Variants in FAM135B observed in about 807,000 individuals in gnomAD.
FAM135B encodes the protein protein FAM135B.
Under a neutral mutation model 127.7 loss-of-function variants are expected in FAM135B, and 43 were observed. The observed-to-expected ratio is 0.34, with a 90% CI of 0.26 to 0.43. The LOEUF is 0.43. FAM135B is among the 20% of genes least tolerant of loss of function. FAM135B has a pLI of 1.00. For missense variants in FAM135B, 1,558 were observed against 1,725.6 expected (o/e 0.90, Z 1.72); for synonymous variants, 670 against 665.1 (o/e 1.01, Z -0.11).
At chr8:138,390,637 T>C (rs1210291871) in intron 1 of FAM135B, among the ~76,000 whole-genome samples, 7 of 152,182 alleles carry the variant, frequency 4.6e-5, no homozygotes, top group Non-Finnish European at 1.0e-4. Flanking sequence ...ATTGAATGAA[T>C]AAATAAGTCC....
At chr8:138,350,267 T>A (rs1829686070) in intron 2 of FAM135B, among the ~76,000 whole-genome samples, 2 of 152,092 alleles carry the variant, frequency 1.3e-5, no homozygotes, top group Non-Finnish European at 2.9e-5. Flanking sequence ...AAACATACTA[T>A]CCCGTTCTTT....
chr8:138,366,150 C>G (rs1266789627), intron 2 of FAM135B, among the ~76,000 whole-genome samples: 2 of 152,130 alleles, frequency 1.3e-5, no homozygotes, highest in Non-Finnish European at 2.9e-5. Context: ...TATGTTAGAG[C>G]TATGTACTGT....
intron 1 of FAM135B, among the ~76,000 whole-genome samples, chr8:138,407,078 T>A (rs1029594737): frequency 3.3e-5 from 5 of 151,350 alleles, no homozygotes; most frequent in African/African-American, 1.2e-4. Flanking sequence ...ACAAAATCAA[T>A]GTACAAAAAT....
chr8:138,494,404 A>C (rs2131702442), intron 1 of FAM135B, among the ~76,000 whole-genome samples: 1 of 152,350 alleles, frequency 6.6e-6, no homozygotes, highest in South Asian at 2.1e-4. Context: ...ATCAACAGAA[A>C]GGACAGGTAT....
At chr8:138,378,874 C>A (rs1010726303) in intron 1 of FAM135B, among the ~76,000 whole-genome samples, 2 of 152,136 alleles carry the variant, frequency 1.3e-5, no homozygotes, top group African/African-American at 4.8e-5. Flanking sequence ...TAAGATTTCA[C>A]AATCTCATAA....
intron 3 of FAM135B, among the ~76,000 whole-genome samples, chr8:138,309,589 T>G (rs113740012): frequency 1.1e-4 from 17 of 152,316 alleles, no homozygotes; most frequent in African/African-American, 4.1e-4. Context: ...CCCCTCCAGA[T>G]GTCTTCCATG....
Position 138,152,267 on chromosome 8 carries a change from G to A in FAM135B, c.2208C>T (p.Asn736=). 1 of 1,614,130 alleles carries A rather than the reference G, an allele frequency of 6.2e-7. No homozygotes were observed. The highest frequency in any genetic ancestry group is 8.5e-7 in the Non-Finnish European group (1 of 1,180,038). The change falls in exon 13 of 20, where the codon AAC becomes AAT. Residue 736 remains asparagine, a synonymous_variant. Coordinates refer to ENST00000395297, the MANE Select transcript of FAM135B (RefSeq NM_015912.4). ...NSLEGGHTES[N]TSLPSGIQAS... Reference sequence around the variant, plus strand: ...CCTGGATGCCGCTTGGCAAACTTGTGTTACTTTCTGTGTGTCCACCCTCTA... The same window carrying A: ...CCTGGATGCCGCTTGGCAAACTTGTATTACTTTCTGTGTGTCCACCCTCTA...
At chr8:138,174,331 T>G (rs916828011) in intron 11 of FAM135B, among the ~76,000 whole-genome samples, 2 of 152,164 alleles carry the variant, frequency 1.3e-5, no homozygotes, top group Non-Finnish European at 2.9e-5. Context: ...CGCTGCTGCC[T>G]TATGTAAGCC....
At chr8:138,281,294 C>T (rs1435212216) in intron 3 of FAM135B, among the ~76,000 whole-genome samples, 1 of 152,072 alleles carries the variant, frequency 6.6e-6, no homozygotes, top group Non-Finnish European at 1.5e-5. Flanking sequence ...ACCATTCTCT[C>T]ATTAGAAATA....
intron 5 of FAM135B, 85 bp from the exon 6 acceptor site, chr8:138,251,099 T>C: frequency 4.0e-6 from 6 of 1,485,618 alleles, no homozygotes; most frequent in Non-Finnish European, 5.5e-6. Context: ...AGCCTCTCCA[T>C]GGGCCAAGCA....
In FAM135B at chr8:138,431,443, G is replaced by T. The variant is rs141408880; in HGVS notation, c.-19-63441C>A. ...CTGATTCAAATGGCTTAAACCAGGG[G>T]TCCACAAACCAGCCCATAGGCCTAG... On this transcript the variant is annotated intron_variant, in intron 1 of 19. Transcript: ENST00000395297. 5.9e-3 allele frequency among the ~76,000 whole-genome samples: 891 copies of T among 152,288 alleles called. 8 individuals are homozygous for T. The highest frequency in any genetic ancestry group is 0.01 in the Middle Eastern group (3 of 294).
chr8:138,152,329 G>A lies in FAM135B; in HGVS notation c.2146C>T (p.Pro716Ser), dbSNP rs1440100151. The A allele has an allele frequency of 6.2e-7, 1 of 1,613,996 alleles. No individual in the cohort carries two copies. Residue 716 changes from proline (P) to serine (S), a missense_variant, in exon 13 of 20, where the codon CCG becomes TCG. Coordinates refer to ENST00000395297, the MANE Select transcript of FAM135B (RefSeq NM_015912.4). ...TGGAGGGCATGTCTTCGAACAAACGGGTGCAAGACTTCCCGATCACTGGGC... is the reference window on the plus strand; with the variant it reads ...TGGAGGGCATGTCTTCGAACAAACGAGTGCAAGACTTCCCGATCACTGGGC... ...ELPSDREVLH[P>S]FVRRHALHRN...
At chr8:138,332,662 G>A (rs1016498961) in intron 2 of FAM135B, among the ~76,000 whole-genome samples, 3 of 151,948 alleles carry the variant, frequency 2.0e-5, no homozygotes, top group Non-Finnish European at 2.9e-5. Context: ...AGGGGCGTGT[G>A]GTGCATTTAG....
chr8:138,421,961 T>C (rs1345391592), intron 1 of FAM135B, among the ~76,000 whole-genome samples: 1 of 151,802 alleles, frequency 6.6e-6, no homozygotes, highest in Non-Finnish European at 1.5e-5. Flanking sequence ...ACAGAACAGG[T>C]TAGAGAACTC....
chr8:138,386,963 A>G (rs1563958900), intron 1 of FAM135B, among the ~76,000 whole-genome samples: 1 of 152,142 alleles, frequency 6.6e-6, no homozygotes, highest in Non-Finnish European at 1.5e-5. Context: ...CTGCCACAGG[A>G]TCATACAGGG....
intron 1 of FAM135B, among the ~76,000 whole-genome samples, chr8:138,384,387 C>T (rs1832056497): frequency 6.8e-6 from 1 of 148,104 alleles, no homozygotes; most frequent in South Asian, 2.2e-4. Context: ...TATTTATTTA[C>T]CCATTTGCTA....
At chr8:138,395,642 T>C (rs960152742) in intron 1 of FAM135B, among the ~76,000 whole-genome samples, 14 of 152,154 alleles carry the variant, frequency 9.2e-5, no homozygotes, top group African/African-American at 1.2e-4. Flanking sequence ...ATCAACCACA[T>C]ATTATGTGCC....
At chr8:138,194,346 T>A (rs879060149) in intron 9 of FAM135B, among the ~76,000 whole-genome samples, 1 of 152,200 alleles carries the variant, frequency 6.6e-6, no homozygotes, top group Admixed American at 6.5e-5. Context: ...CTCCTCTGCA[T>A]TCACTGTGAG....
At chr8:138,179,380 G>C (rs1277103249) in intron 9 of FAM135B, among the ~76,000 whole-genome samples, 1 of 152,134 alleles carries the variant, frequency 6.6e-6, no homozygotes, top group African/African-American at 2.4e-5. Context: ...AGAGTACTAG[G>C]CATTTGACGG....
Sources: gnomAD v4.1 joint callset for allele counts (sites outside exome capture counted in the v4.1 genomes callset) on GRCh38, gnomAD v4.1.1 for gene constraint, MANE v1.5 for transcripts, NCBI Gene and HGNC (gene_info 2026-07-23, HGNC 2026-07-21) for gene names.